The following ALG14 variants were observed in gnomAD, a reference collection of about 807,000 sequenced individuals.
ALG14 encodes the protein ALG14 UDP-N-acetylglucosaminyltransferase subunit.
In ALG14, 17 loss-of-function variants were observed where a neutral mutation model predicts 22.8. The observed-to-expected ratio is 0.75, with a 90% CI of 0.51 to 1.12. The LOEUF (loss-of-function observed/expected upper bound fraction) is 1.12, where lower values mean the gene tolerates loss of function less well. ALG14 is among the 50% of genes most tolerant of loss of function. The probability of loss-of-function intolerance (pLI) is 0.00; values close to 1 mark genes in which losing one functional copy is unlikely to be tolerated. For missense variants in ALG14, 288 were observed against 271.8 expected (o/e 1.06, Z -0.42); for synonymous variants, 89 against 103.7 (o/e 0.86, Z 0.86).
At chr1:95,072,202 T>C (rs1431937330) in intron 1 of ALG14, among the ~76,000 whole-genome samples, 1 of 152,196 alleles carries the variant, frequency 6.6e-6, no homozygotes, top group Non-Finnish European at 1.5e-5. Context: ...CTGTCAAATA[T>C]GTGTATTTAA....
chr1:95,045,977 A>G (rs1038561989), intron 2 of ALG14, among the ~76,000 whole-genome samples: 1 of 142,350 alleles, frequency 7.0e-6, no homozygotes, highest in African/African-American at 2.7e-5. Context: ...ATAGTATACT[A>G]ATAGAATTAG....
At chr1:95,071,525 A>G (rs1300455347) in intron 1 of ALG14, among the ~76,000 whole-genome samples, 1 of 152,212 alleles carries the variant, frequency 6.6e-6, no homozygotes, top group Non-Finnish European at 1.5e-5. Flanking sequence ...CCTGGGCAAC[A>G]GCGTGAGACT....
chr1:95,018,688 C>G lies in ALG14; in HGVS notation c.420+8441G>C, dbSNP rs952126445. 4.6e-5 allele frequency among the ~76,000 whole-genome samples: 7 copies of G among 152,122 alleles called. No homozygotes were observed. In the South Asian group the frequency reaches 8.3e-4, roughly 18 times the overall value. ...TCCACAGAGAGCAGGAAATTCACCC[C>G]CTACCTTCTCCCAACCTCCAGCCCC... is the stretch of plus-strand genomic sequence containing the variant. On this transcript the variant is annotated intron_variant, in intron 3 of 3. Coordinates refer to ENST00000370205, the MANE Select transcript of ALG14 (RefSeq NM_144988.4).
At chr1:95,007,649 C>T (rs1673255480) in intron 3 of ALG14, among the ~76,000 whole-genome samples, 1 of 152,198 alleles carries the variant, frequency 6.6e-6, no homozygotes, top group Non-Finnish European at 1.5e-5. Flanking sequence ...TAAAACAGTA[C>T]CAGTTTATCT....
chr1:94,998,846 G>C (rs1672976771), intron 3 of ALG14, among the ~76,000 whole-genome samples: 1 of 152,138 alleles, frequency 6.6e-6, no homozygotes, highest in Admixed American at 6.5e-5. Context: ...CCTGGCAGTT[G>C]GGCTTGGGAA....
intron 2 of ALG14, among the ~76,000 whole-genome samples, chr1:95,058,561 G>A (rs1412252035): frequency 6.7e-6 from 1 of 148,664 alleles, no homozygotes; most frequent in East Asian, 2.1e-4. Context: ...AGGTTGTAGT[G>A]AGCCGAGATA....
At chr1:95,069,691 T>C (rs1263199261) in intron 1 of ALG14, among the ~76,000 whole-genome samples, 1 of 152,186 alleles carries the variant, frequency 6.6e-6, no homozygotes, top group Non-Finnish European at 1.5e-5. Context: ...TATCCCAAAA[T>C]GAAGGCCTTA....
intron 3 of ALG14, among the ~76,000 whole-genome samples, chr1:95,020,876 G>C (rs1025760793): frequency 9.2e-5 from 14 of 152,186 alleles, no homozygotes; most frequent in Non-Finnish European, 1.9e-4. Flanking sequence ...GCACAGCATA[G>C]TGAATGTACT....
chr1:95,063,998 T>C (rs1675261655), intron 2 of ALG14, among the ~76,000 whole-genome samples: 2 of 152,198 alleles, frequency 1.3e-5, no homozygotes, highest in South Asian at 4.1e-4. Flanking sequence ...GTCCTTCACT[T>C]CCCTTGTTAG....
At chr1:95,067,470 T>C (rs1445384782) in intron 1 of ALG14, 2 of 152,246 alleles carry the variant, frequency 1.3e-5, no homozygotes, top group Non-Finnish European at 2.9e-5. Flanking sequence ...CTTTGGAGAA[T>C]CTCTCTCTGT....
At chr1:95,016,940 GGGGTGTGTGTGT>G (rs1673509568) in intron 3 of ALG14, among the ~76,000 whole-genome samples, 2 of 118,516 alleles carry the variant, frequency 1.7e-5, no homozygotes, top group African/African-American at 6.6e-5. Flanking sequence ...TTTTGCAAAA[GGGGTGTGTGTGT>G]GTGTGTGTGT....
At chr1:95,052,633 G>C (rs1012420162) in intron 2 of ALG14, among the ~76,000 whole-genome samples, 1 of 152,132 alleles carries the variant, frequency 6.6e-6, no homozygotes, top group African/African-American at 2.4e-5. Flanking sequence ...CGAGGCAGGT[G>C]GATCATTTGA....
intron 2 of ALG14, among the ~76,000 whole-genome samples, chr1:95,036,638 G>A (rs1246904796): frequency 6.6e-6 from 1 of 151,946 alleles, no homozygotes; most frequent in Non-Finnish European, 1.5e-5. Context: ...TGTTGGCCAG[G>A]ATGGTCTCAA....
At chr1:95,030,870 T>G (rs1175061042) in intron 2 of ALG14, among the ~76,000 whole-genome samples, 3 of 152,138 alleles carry the variant, frequency 2.0e-5, no homozygotes, top group Non-Finnish European at 4.4e-5. Flanking sequence ...TAGAAACTAG[T>G]GCAAGCATGT....
At chr1:95,067,581 CA>C (rs1675417450) in intron 1 of ALG14, 2 of 150,604 alleles carry the variant, frequency 1.3e-5, no homozygotes, top group African/African-American at 2.4e-5. Flanking sequence ...TTTATTGATA[CA>C]TTTTTTTTGA....
At chr1:95,049,628 T>C (rs1204935475) in intron 2 of ALG14, among the ~76,000 whole-genome samples, 1 of 152,058 alleles carries the variant, frequency 6.6e-6, no homozygotes, top group Admixed American at 6.6e-5. Context: ...TCCAGCACTT[T>C]TGGGAAGCTG....
chr1:95,037,831 T>A (rs986251229), intron 2 of ALG14, among the ~76,000 whole-genome samples: 1 of 152,168 alleles, frequency 6.6e-6, no homozygotes, highest in Admixed American at 6.5e-5. Flanking sequence ...AGAGCTGTAC[T>A]CTCTAAGCAT....
At position 94,976,550 on chromosome 1, in the gene ALG14, G is replaced by T. The variant is rs765468593; in HGVS notation, c.*6526C>A. 6.6e-6 allele frequency: 1 copy of T among 152,030 alleles called. No individual in the cohort carries two copies. The highest frequency in any genetic ancestry group is 2.4e-5 in the African/African-American group (1 of 41,380). 9.4% of individuals were successfully genotyped at this position (152,030 alleles called of 1,614,324 possible). A position where few individuals can be genotyped will look rare whatever the true frequency, so the allele number is the denominator to read the frequency against. ...TCTGCTAAAAATACAAAAGTTAGCC[G>T]GGCTGGTGGTGCACTCCTGAAATCC... is the stretch of plus-strand genomic sequence containing the variant. On this transcript the variant is annotated 3_prime_UTR_variant, in exon 4 of 4. Coordinates refer to ENST00000370205, the MANE Select transcript of ALG14 (RefSeq NM_144988.4).
chr1:95,042,494 G>C (rs1455651390), intron 2 of ALG14, among the ~76,000 whole-genome samples: 1 of 152,166 alleles, frequency 6.6e-6, no homozygotes, highest in Non-Finnish European at 1.5e-5. Flanking sequence ...TCTTCACACT[G>C]GAACTCCCTT....
Sources: allele counts gnomAD v4.1 joint callset (sites outside exome capture counted in the v4.1 genomes callset), GRCh38; gene constraint gnomAD v4.1.1; transcripts MANE v1.5; gene names NCBI Gene and HGNC (gene_info 2026-07-23, HGNC 2026-07-21).